Variants in COL18A1 observed in about 807,000 individuals in gnomAD.
COL18A1 encodes the protein collagen type XVIII alpha 1 chain, also known as collagen alpha-1(XVIII) chain.
In COL18A1, 133 loss-of-function variants were observed where a neutral mutation model predicts 168.0. That is an observed-to-expected ratio of 0.79 (90% CI 0.69 to 0.91). The LOEUF (loss-of-function observed/expected upper bound fraction) is 0.91, where lower values mean the gene tolerates loss of function less well. Ranked by LOEUF, COL18A1 falls within the 40% of genes least tolerant of loss-of-function variation. COL18A1 has a pLI of 0.00. For synonymous variants in COL18A1, 949 were observed against 809.0 expected, an observed-to-expected ratio of 1.17 and a Z score of -2.94; for missense variants, 2,126 against 1,925.4, an observed-to-expected ratio of 1.10 and a Z score of -1.95.
intron 27 of COL18A1, 106 bp downstream of exon 27, chr21:45,494,677 C>T (rs2036472316): frequency 8.5e-6 from 13 of 1,526,194 alleles, no homozygotes; most frequent in Middle Eastern, 4.0e-4. Context: ...CAGGGCTCAT[C>T]TCCCTAGTGC....
At chr21:45,507,538 G>C (rs2037290502) in intron 37 of COL18A1, 23 bp from the exon 38 acceptor site, 1 of 1,610,566 alleles carries the variant, frequency 6.2e-7, no homozygotes, top group Non-Finnish European at 8.5e-7. Flanking sequence ...CAGGTCCTGG[G>C]TGACCCTGCT....
At chr21:45,497,797 G>A in intron 32 of COL18A1, 136 bp downstream of exon 32, 1 of 1,254,050 alleles carries the variant, frequency 8.0e-7, no homozygotes, top group South Asian at 1.3e-5. Context: ...GCGGGAGGAA[G>A]GAAGCCCCTT....
chr21:45,425,013 C>T lies in COL18A1; in HGVS notation c.106+19540C>T, dbSNP rs1432966180. 6.6e-6 allele frequency: 1 copy of T among 152,304 alleles called. No homozygotes were observed. The highest frequency in any genetic ancestry group is 1.5e-5 in the Non-Finnish European group (1 of 68,086). The allele number at this position is 152,304 out of a possible 1,614,324, so 9.4% of individuals were successfully genotyped here. A position where few individuals can be genotyped will look rare whatever the true frequency, so the allele number is the denominator to read the frequency against. ...TCAGATCTCTCGCACCTGAAAATTT[C>T]CTCTGTAGCCATTCGCAGGAGGTTT... On this transcript the variant is annotated intron_variant, in intron 2 of 41. Transcript: ENST00000651438. The surrounding 1 kb of genome is among the most constrained non-coding windows in gnomAD (Gnocchi z 4.1).
Position 45,496,538 on chromosome 21 carries a change from C to A in COL18A1, c.2547C>A (p.Gly849=), listed in dbSNP as rs562540418. 15 of 1,530,000 alleles carry A rather than the reference C, an allele frequency of 9.8e-6. No individual in the cohort carries two copies. Among genetic ancestry groups the A allele is most frequent in the East Asian group, 4.5e-5 (2 of 44,514 alleles). The allele number at this position is 1,530,000 out of a possible 1,614,324, so 94.8% of individuals were successfully genotyped here. Residue 849 remains glycine, a synonymous_variant, in exon 30 of 42, where the codon GGC becomes GGA. Coordinates refer to ENST00000651438, the MANE Select transcript of COL18A1 (RefSeq NM_001379500.1). ...PGPPGPPGPP[G]PPGTPVYDSN... is the part of the protein sequence containing the mutation. ...CCCCAGGACCTCCAGGGCCCCCAGG[C>A]CCTCCAGGGACTCCTGTTTACGACA...
Position 45,504,397 on chromosome 21 carries a change from C to A in COL18A1, c.2728-19C>A, listed in dbSNP as rs1162100900. The A allele has an allele frequency of 2.5e-6, 4 of 1,608,922 alleles. No individual in the cohort carries two copies. In the Admixed American group the frequency reaches 5.0e-5, roughly 20 times the overall value. Reference sequence around the variant, plus strand: ...GTAGGGGTTCAGGGCTCCCGTGTAACAAGTGTTTCCGTCCACAGGGGGAGA... The same window carrying A: ...GTAGGGGTTCAGGGCTCCCGTGTAAAAAGTGTTTCCGTCCACAGGGGGAGA... On this transcript the variant is annotated intron_variant, in intron 33 of 41. Transcript: ENST00000651438.
intron 2 of COL18A1, among the ~76,000 whole-genome samples, chr21:45,448,686 G>A (rs924052789): frequency 6.6e-6 from 1 of 152,262 alleles, no homozygotes; most frequent in East Asian, 1.9e-4. Flanking sequence ...TCACGCCTGA[G>A]AAGTTTACAA....
At chr21:45,476,172 C>T (rs2035642439) in intron 5 of COL18A1, among the ~76,000 whole-genome samples, 179 bp from the exon 6 acceptor site, 1 of 152,218 alleles carries the variant, frequency 6.6e-6, no homozygotes, top group East Asian at 1.9e-4. Context: ...CACAGGCGGC[C>T]ACACCCCTGC....
intron 2 of COL18A1, chr21:45,410,064 G>C (rs1161809388): frequency 6.6e-6 from 1 of 152,266 alleles, no homozygotes; most frequent in African/African-American, 2.4e-5. Flanking sequence ...TGCAGGGGAA[G>C]TGTCTGTGCC....
At chr21:45,429,801 C>G (rs2048859987) in intron 2 of COL18A1, among the ~76,000 whole-genome samples, 1 of 152,218 alleles carries the variant, frequency 6.6e-6, no homozygotes, top group East Asian at 1.9e-4. Context: ...TGCACGGGAC[C>G]TGGGCTCCCC....
intron 2 of COL18A1, among the ~76,000 whole-genome samples, chr21:45,437,751 G>GAC (rs758225278): frequency 0.013 from 150 of 11,968 alleles, 4 homozygotes; most frequent in African/African-American, 0.016. Context: ...CACACACTCA[G>GAC]ACACAGGCAC....
chr21:45,484,293 T>G (rs1353018972), intron 15 of COL18A1, among the ~76,000 whole-genome samples: 1 of 133,720 alleles, frequency 7.5e-6, no homozygotes, highest in Non-Finnish European at 1.6e-5. Context: ...CTCCAGCATA[T>G]GTGCACACAC....
intron 2 of COL18A1, among the ~76,000 whole-genome samples, chr21:45,454,036 C>T (rs2034718709): frequency 6.6e-6 from 1 of 152,188 alleles, no homozygotes; most frequent in South Asian, 2.1e-4. Context: ...GAGGCGTGTT[C>T]AGACATAAAA....
intron 39 of COL18A1, 75 bp downstream of exon 39, chr21:45,509,676 T>A: frequency 3.6e-6 from 3 of 844,570 alleles, no homozygotes; most frequent in Non-Finnish European, 3.9e-6. Context: ...GCCCAGCCCC[T>A]GCAGAGCTGC....
At chr21:45,499,327 C>T (rs749490097) in intron 32 of COL18A1, among the ~76,000 whole-genome samples, 4 of 152,210 alleles carry the variant, frequency 2.6e-5, no homozygotes, top group East Asian at 1.9e-4. Context: ...GGAGAGACAA[C>T]GCTGGCAGGA....
chr21:45,440,218 C>T (rs1033622037), intron 2 of COL18A1, among the ~76,000 whole-genome samples: 15 of 152,264 alleles, frequency 9.9e-5, no homozygotes, highest in Non-Finnish European at 1.8e-4. Flanking sequence ...TGCACACAGG[C>T]TCCCGCTGGA....
chr21:45,480,715 C>T lies in COL18A1; in HGVS notation c.1468C>T (p.Pro490Ser). The change falls in exon 13 of 42, where the codon CCT becomes TCT. Residue 490 changes from proline (P) to serine (S), a missense_variant. Coordinates refer to ENST00000651438, the MANE Select transcript of COL18A1 (RefSeq NM_001379500.1). ...LEALRGPRGF[P>S]GPPGPPGVPG... is the part of the protein sequence containing the mutation. Reference sequence around the variant, plus strand: ...CCACGTCCAGGGTCCTCGAGGCTTCCCTGGACCTCCCGGACCCCCCGGTGT... The same window carrying T: ...CCACGTCCAGGGTCCTCGAGGCTTCTCTGGACCTCCCGGACCCCCCGGTGT... The T allele has an allele frequency of 1.9e-6, 3 of 1,610,900 alleles. No individual in the cohort carries two copies. The highest frequency in any genetic ancestry group is 2.5e-6 in the Non-Finnish European group (3 of 1,179,918).
At chr21:45,433,758 G>T (rs1034332244) in intron 2 of COL18A1, among the ~76,000 whole-genome samples, 8 of 152,214 alleles carry the variant, frequency 5.3e-5, no homozygotes, top group African/African-American at 1.9e-4. Flanking sequence ...TTGGCCAGCC[G>T]TGTGACTGTT....
intron 2 of COL18A1, among the ~76,000 whole-genome samples, chr21:45,414,680 C>T (rs1407179857): frequency 6.6e-6 from 1 of 152,236 alleles, no homozygotes; most frequent in Non-Finnish European, 1.5e-5. Flanking sequence ...CAGCCCTGCC[C>T]GCCAGTGAGA....
rs930096071 is a variant in COL18A1 at position 45,456,427 on chromosome 21, G to T, written c.107-11815G>T. The T allele has an allele frequency of 6.5e-6, 10 of 1,544,430 alleles. No individual in the cohort carries two copies. The Admixed American group carries it at 2.0e-4, about 30-fold the overall frequency. On this transcript the variant is annotated intron_variant, in intron 2 of 41. Transcript: ENST00000651438. ...AGGTCGCAGTCACCACTTTAACCAGGGACAGCGGTGCTTGGGTCTCCCACG... is the reference window on the plus strand; with the variant it reads ...AGGTCGCAGTCACCACTTTAACCAGTGACAGCGGTGCTTGGGTCTCCCACG...
Sources: gnomAD v4.1 joint callset for allele counts (sites outside exome capture counted in the v4.1 genomes callset) on GRCh38, gnomAD v4.1.1 for gene constraint, Gnocchi (gnomAD v3.1) non-coding constraint, MANE v1.5 for transcripts, NCBI Gene and HGNC (gene_info 2026-07-23, HGNC 2026-07-21) for gene names.